The following CDHR2 variants were observed in gnomAD, a reference collection of about 807,000 sequenced individuals.
The protein encoded by CDHR2 is cadherin related family member 2.
CDHR2 carries 104 observed loss-of-function variants against 138.6 expected under a neutral mutation model. The observed-to-expected ratio is 0.75, with a 90% CI of 0.64 to 0.88. The LOEUF (loss-of-function observed/expected upper bound fraction) is 0.88. Among genes scored for constraint, CDHR2 ranks in the 40% least tolerant of loss-of-function variants. The pLI is 0.00. For synonymous variants in CDHR2, 755 were observed against 742.8 expected, an observed-to-expected ratio of 1.02 and a Z score of -0.27; for missense variants, 1,624 against 1,727.6, an observed-to-expected ratio of 0.94 and a Z score of 1.06.
At chr5:176,547,783 C>T (rs890686658), upstream of CDHR2, 2 of 152,262 alleles carry the variant, frequency 1.3e-5, no homozygotes, top group Admixed American at 6.5e-5. Context: ...ATTTTTCTCA[C>T]TTGACTTCCC....
At chr5:176,552,241 G>A (rs1378988954) in intron 1 of CDHR2, among the ~76,000 whole-genome samples, 1 of 152,250 alleles carries the variant, frequency 6.6e-6, no homozygotes, top group African/African-American at 2.4e-5. Context: ...GCCCAGAGTG[G>A]GGGCCACCAA....
rs1757505855 is a variant in CDHR2, at chr5:176,543,452, C to G, written c.-16+683C>G. Reference sequence around the variant, plus strand: ...CACACCGGCTGCGCAGCTTCCAGGACCCCCGCCCCGGCCCCGCGCGAATGG... The same window carrying G: ...CACACCGGCTGCGCAGCTTCCAGGAGCCCCGCCCCGGCCCCGCGCGAATGG... On this transcript the variant is annotated intron_variant, in intron 1 of 31. Coordinates refer to the CDHR2 transcript ENST00000510636. This position sits in a 1 kb window ranked among gnomAD's most constrained non-coding sequence, Gnocchi z 4.0. 1 of 151,926 alleles carries G rather than the reference C, an allele frequency of 6.6e-6. No homozygotes were observed. Among genetic ancestry groups the G allele is most frequent in the Non-Finnish European group, 1.5e-5 (1 of 67,970 alleles). 9.4% of individuals were successfully genotyped at this position (151,926 alleles called of 1,614,324 possible). A position where few individuals can be genotyped will look rare whatever the true frequency, so the allele number is the denominator to read the frequency against.
At chr5:176,548,095 C>T (rs1757623600), upstream of CDHR2, among the ~76,000 whole-genome samples, 1 of 152,214 alleles carries the variant, frequency 6.6e-6, no homozygotes, top group Admixed American at 6.5e-5. Flanking sequence ...TGGGACTGTA[C>T]CGCACGCTGC....
At position 176,543,539 on chromosome 5, in the gene CDHR2, T is replaced by A. The variant is rs1339891263; in HGVS notation, c.-16+770T>A. ...CTCTTTCGGCCGCGCCCGCCCAGCG[T>A]CAGTCGGCCAGGGGTGCGTAAGGGC... On this transcript the variant is annotated intron_variant, in intron 1 of 31. Coordinates refer to the CDHR2 transcript ENST00000510636. This position sits in a 1 kb window ranked among gnomAD's most constrained non-coding sequence, Gnocchi z 4.0. 5 of 152,076 alleles carry A rather than the reference T, an allele frequency of 3.3e-5. No individual in the cohort carries two copies. The highest frequency in any genetic ancestry group is 5.9e-5 in the Non-Finnish European group (4 of 68,030). 9.4% of individuals were successfully genotyped at this position (152,076 alleles called of 1,614,324 possible).
chr5:176,588,498 G>A (rs560311627), intron 21 of CDHR2, among the ~76,000 whole-genome samples: 2 of 130,218 alleles, frequency 1.5e-5, no homozygotes, highest in Non-Finnish European at 3.3e-5. Context: ...AGTGTGTGAG[G>A]GTGTGTATGA....
In CDHR2 at chr5:176,584,780, C is replaced by T; in HGVS notation, c.2499C>T (p.Ala833=). The change falls in exon 19 of 32, where the codon GCC becomes GCT. Residue 833 remains alanine, a synonymous_variant. Transcript: ENST00000261944. ...SQHGQVAVVV[A]SDVDTSAQLE... ...ACGGCCAGGTGGCTGTGGTGGTTGC[C>T]TCGGATGTGGACACCAGTGCCCAGC... is the stretch of plus-strand genomic sequence containing the variant. 4.3e-6 allele frequency: 7 copies of T among 1,614,186 alleles called. No individual in the cohort carries two copies. Among genetic ancestry groups the T allele is most frequent in the Non-Finnish European group, 5.9e-6 (7 of 1,180,034 alleles).
rs1759005785 is a variant in CDHR2 at position 176,595,534 on chromosome 5, G to C, written c.3795G>C (p.Glu1265Asp). The change falls in exon 32 of 32, where the codon GAG (glutamate) becomes GAC (aspartate). Residue 1265 changes from glutamate to aspartate, a missense_variant and splice_region_variant. Glu to Asp is a conservative substitution (Grantham distance 45). Coordinates refer to ENST00000261944, the MANE Select transcript of CDHR2 (RefSeq NM_017675.6). ...ACCTCCTCTCCCTCTCCCTGCAGGA[G>C]CACAGGCCACCACACACACCACCAG... ...DVDKNSQEIKEHRPPHTPPEP... is the reference protein window; with the variant it reads ...DVDKNSQEIKDHRPPHTPPEP... The C allele has an allele frequency of 6.3e-7, 1 of 1,596,364 alleles. No homozygotes were observed. The highest frequency in any genetic ancestry group is 1.1e-5 in the South Asian group (1 of 89,052).
chr5:176,588,414 G>T (rs762081067), intron 21 of CDHR2, among the ~76,000 whole-genome samples: 41,559 of 127,992 alleles, frequency 0.32, 5,728 homozygotes, highest in Middle Eastern at 0.36. Flanking sequence ...AGAGAGTGAG[G>T]GTGTGAGTGT....
In CDHR2 at chr5:176,552,248, C is replaced by T. The variant is rs572090146; in HGVS notation, c.-16+2834C>T. ...AATGAGGAGCCCAGAGTGGGGGCCA[C>T]CAACTGCCTGAACACAGCTCCACAG... is the stretch of plus-strand genomic sequence containing the variant. On this transcript the variant is annotated intron_variant, in intron 1 of 31. Coordinates refer to ENST00000261944, the MANE Select transcript of CDHR2 (RefSeq NM_017675.6). 5.9e-5 allele frequency among the ~76,000 whole-genome samples: 9 copies of T among 152,340 alleles called. No homozygotes were observed. In the East Asian group the frequency reaches 1.7e-3, roughly 29 times the overall value.
At chr5:176,544,649 A>T (rs1004518865), upstream of CDHR2, among the ~76,000 whole-genome samples, 4 of 152,062 alleles carry the variant, frequency 2.6e-5, no homozygotes, top group Non-Finnish European at 4.4e-5. Flanking sequence ...CATGTTGGCC[A>T]GGCTAGTCTT....
chr5:176,565,963 C>T (rs1453120441), intron 3 of CDHR2, among the ~76,000 whole-genome samples: 1 of 152,178 alleles, frequency 6.6e-6, no homozygotes, highest in African/African-American at 2.4e-5. Flanking sequence ...CCTCCAGGGG[C>T]CCTCACACCA....
Position 176,565,370 on chromosome 5 carries a change from G to C in CDHR2, c.18G>C (p.Leu6=). ...CGGATGTGATGGCCCAGCTATGGCT[G>C]TCCTGCTTCCTCCTTCCTGCCCTCG... is the stretch of plus-strand genomic sequence containing the variant. MAQLW[L]SCFLLPALVV... Residue 6 remains leucine, a synonymous_variant, in exon 2 of 32, where the codon CTG becomes CTC. Transcript: ENST00000261944. 3.7e-6 allele frequency: 6 copies of C among 1,614,144 alleles called. No homozygotes were observed. Among genetic ancestry groups the C allele is most frequent in the Non-Finnish European group, 5.1e-6 (6 of 1,179,996 alleles).
rs970821694 is a variant in CDHR2 at position 176,591,497 on chromosome 5, C to T, written c.3734+13C>T. ...TGGACTCTGTCAGGTGAGCAGTGCC[C>T]CTCACAGCCAGGCTAGGTGGTGGTG... On this transcript the variant is annotated intron_variant, in intron 30 of 31. Coordinates refer to ENST00000261944, the MANE Select transcript of CDHR2 (RefSeq NM_017675.6). The T allele has an allele frequency of 1.2e-6, 2 of 1,600,352 alleles. No homozygotes were observed. Among genetic ancestry groups the T allele is most frequent in the Non-Finnish European group, 1.7e-6 (2 of 1,167,888 alleles).
At chr5:176,588,131 T>C (rs1275145531) in intron 21 of CDHR2, among the ~76,000 whole-genome samples, 1 of 152,128 alleles carries the variant, frequency 6.6e-6, no homozygotes, top group Non-Finnish European at 1.5e-5. Flanking sequence ...GAATTGGTAC[T>C]CCCCGCACGG....
chr5:176,592,809 A>C, intron 31 of CDHR2, 29 bp downstream of exon 31: 1 of 1,606,210 alleles, frequency 6.2e-7, no homozygotes, highest in Non-Finnish European at 8.5e-7. Context: ...TGGTGCCTGG[A>C]GGTTCCAACT....
intron 15 of CDHR2, 36 bp downstream of exon 15, chr5:176,578,131 A>G (rs761144413): frequency 6.3e-7 from 1 of 1,575,784 alleles, no homozygotes; most frequent in Non-Finnish European, 8.7e-7. Flanking sequence ...CAGGTGGGTG[A>G]GCAGGGCCCA....
intron 1 of CDHR2, among the ~76,000 whole-genome samples, chr5:176,551,566 C>T (rs1235502464): frequency 6.6e-6 from 1 of 152,190 alleles, no homozygotes; most frequent in East Asian, 1.9e-4. Flanking sequence ...TCTCGGCTCA[C>T]TGCAGCCTCA....
chr5:176,562,107 G>A (rs1198874420), intron 1 of CDHR2, among the ~76,000 whole-genome samples: 3 of 152,130 alleles, frequency 2.0e-5, no homozygotes, highest in Non-Finnish European at 1.5e-5. Flanking sequence ...TGAAGCTGGA[G>A]TGGTCGAGGG....
chr5:176,588,598 T>C (rs1203864664), intron 21 of CDHR2, among the ~76,000 whole-genome samples: 1 of 149,934 alleles, frequency 6.7e-6, no homozygotes, highest in East Asian at 2.0e-4. Flanking sequence ...TGTGTATGAG[T>C]GTGTGTGCAT....
Sources: gnomAD v4.1 joint callset for allele counts (sites outside exome capture counted in the v4.1 genomes callset) on GRCh38, gnomAD v4.1.1 for gene constraint, Gnocchi (gnomAD v3.1) non-coding constraint, MANE v1.5 for transcripts, NCBI Gene and HGNC (gene_info 2026-07-23, HGNC 2026-07-21) for gene names.